The following ADGRF3 variants were observed in gnomAD, a reference collection of about 807,000 sequenced individuals.
The protein encoded by ADGRF3 is G protein-coupled receptor 113.
Under a neutral mutation model 93.2 loss-of-function variants are expected in ADGRF3, and 85 were observed. The observed-to-expected ratio is 0.91, with a 90% CI of 0.77 to 1.09. The LOEUF (loss-of-function observed/expected upper bound fraction) is 1.09, where lower values mean the gene tolerates loss of function less well. ADGRF3 is among the 50% of genes least tolerant of loss of function. ADGRF3 has a pLI of 0.00. For missense variants in ADGRF3, 1,125 were observed against 1,246.2 expected (o/e 0.90, Z 1.46); for synonymous variants, 534 against 532.5 (o/e 1.00, Z -0.04).
At chr2:26,314,099 C>A (rs112077139) in intron 6 of ADGRF3, among the ~76,000 whole-genome samples, 196 bp from the exon 7 acceptor site, 6,361 of 152,300 alleles carry the variant, frequency 0.042, 201 homozygotes, top group Middle Eastern at 0.065. Flanking sequence ...TGTGGGGTCT[C>A]TAACAAGCTC....
intron 13 of ADGRF3, 84 bp from the exon 14 acceptor site, chr2:26,309,191 A>G: frequency 6.2e-7 from 1 of 1,613,876 alleles, no homozygotes; most frequent in East Asian, 2.2e-5. Flanking sequence ...AAGCCCACCC[A>G]TGGCAATCCC....
intron 1 of ADGRF3, among the ~76,000 whole-genome samples, chr2:26,336,155 A>G (rs1384041819): frequency 6.6e-6 from 1 of 152,206 alleles, no homozygotes; most frequent in Non-Finnish European, 1.5e-5. Flanking sequence ...TAGGTTGCCA[A>G]CTGGGACAAA....
intron 5 of ADGRF3, among the ~76,000 whole-genome samples, chr2:26,315,023 A>G (rs918267681): frequency 1.3e-5 from 2 of 152,226 alleles, no homozygotes; most frequent in Non-Finnish European, 2.9e-5. Context: ...TTTATGAAAA[A>G]TAACTACATT....
Position 26,317,086 on chromosome 2 carries a change from A to T in ADGRF3, c.182-31T>A, listed in dbSNP as rs1373209135. 3 of 1,579,144 alleles carry T rather than the reference A, an allele frequency of 1.9e-6. No homozygotes were observed. The East Asian group carries it at 7.0e-5, about 37-fold the overall frequency. On this transcript the variant is annotated intron_variant, in intron 2 of 13. Coordinates refer to ENST00000651242, the MANE Select transcript of ADGRF3 (RefSeq NM_001321971.2). ...GGAGCAGAGGGGACAGCTGGAGAGG[A>T]CAGGCAGCGAGGCCACAAGCCGGTC...
intron 13 of ADGRF3, 62 bp downstream of exon 13, chr2:26,309,464 C>T: frequency 6.3e-7 from 1 of 1,580,798 alleles, no homozygotes; most frequent in South Asian, 1.2e-5. Flanking sequence ...CCAGGAGGCC[C>T]TTTGCCACAC....
intron 4 of ADGRF3, 173 bp from the exon 5 acceptor site, chr2:26,315,913 C>A: frequency 2.0e-6 from 2 of 1,011,732 alleles, no homozygotes; most frequent in Non-Finnish European, 2.9e-6. Flanking sequence ...CTGCTGCAAT[C>A]CAGCCTGGAA....
intron 6 of ADGRF3, 67 bp downstream of exon 6, chr2:26,314,347 C>A: frequency 6.8e-7 from 1 of 1,462,738 alleles, no homozygotes; most frequent in Non-Finnish European, 9.3e-7. Flanking sequence ...GCTGAAGACC[C>A]AGCTGCCTGG....
Position 26,309,104 on chromosome 2 carries a change from C to G in ADGRF3, c.2997G>C (p.Lys999Asn). Reference protein sequence around the residue: ...HSKGGSDTARKTDASE With the variant: ...HSKGGSDTARNTDASE ...GTGTGGTTCACTCTGAAGCATCTGT[C>G]TTCCTGTGAAAGAGCTTGCGGCTGG... The change falls in exon 14 of 14, where the codon AAG (lysine) becomes AAC (asparagine). Residue 999 changes from lysine to asparagine, a missense_variant. By Grantham distance (94) the Lys-to-Asn change is moderately conservative. Transcript: ENST00000651242. 7 of 1,614,058 alleles carry G rather than the reference C, an allele frequency of 4.3e-6. No homozygotes were observed. Among genetic ancestry groups the G allele is most frequent in the Non-Finnish European group, 5.9e-6 (7 of 1,179,904 alleles).
chr2:26,336,813 A>G (rs1430286699), intron 1 of ADGRF3, among the ~76,000 whole-genome samples: 1 of 151,630 alleles, frequency 6.6e-6, no homozygotes, highest in Non-Finnish European at 1.5e-5. Flanking sequence ...TAAGTGGAAG[A>G]CAACCCCAGT....
In ADGRF3 at chr2:26,309,521, C is replaced by G; in HGVS notation, c.2993+5G>C. 1 of 1,611,334 alleles carries G rather than the reference C, an allele frequency of 6.2e-7. No individual in the cohort carries two copies. The highest frequency in any genetic ancestry group is 8.5e-7 in the Non-Finnish European group (1 of 1,179,054). On this transcript the variant is annotated splice_donor_5th_base_variant and intron_variant, in intron 13 of 13. Transcript: ENST00000651242. ...ACGCTGCCCCTGAGAAAGCCTAGTT[C>G]TCACCTGGCAGTGTCGCTTCCTCCT...
At chr2:26,315,985 C>G (rs1242513674) in intron 4 of ADGRF3, among the ~76,000 whole-genome samples, 1 of 145,884 alleles carries the variant, frequency 6.9e-6, no homozygotes, top group Non-Finnish European at 1.5e-5. Context: ...CTCCCTCCCC[C>G]AGGTATCCTG....
At chr2:26,315,775 A>T (rs1256419866) in intron 4 of ADGRF3, 35 bp from the exon 5 acceptor site, 1 of 1,549,934 alleles carries the variant, frequency 6.5e-7, no homozygotes, top group Non-Finnish European at 8.7e-7. Flanking sequence ...ACCCTGGAGG[A>T]GGGACTTATG....
chr2:26,310,988 C>T lies in ADGRF3; in HGVS notation c.2536G>A (p.Glu846Lys). The change falls in exon 10 of 14, where the codon GAG becomes AAG. Residue 846 changes from glutamate (E) to lysine (K), a missense_variant. Glu to Lys is a moderately conservative substitution (Grantham distance 56). Transcript: ENST00000651242. ...TTCCCATCCAACCAGCATTCCCCCT[C>T]CCTCAGGTATTGCCCTTGAGGTAGG... ...LYLPQGQYLR[E>K]GECWLDGKGG... The T allele has an allele frequency of 1.9e-6, 3 of 1,613,632 alleles. No homozygotes were observed. The highest frequency in any genetic ancestry group is 2.5e-6 in the Non-Finnish European group (3 of 1,179,788).
Position 26,310,679 on chromosome 2 carries a change from C to T in ADGRF3, c.2832+13G>A, listed in dbSNP as rs1437882295. 3 of 1,604,010 alleles carry T rather than the reference C, an allele frequency of 1.9e-6. No individual in the cohort carries two copies. The highest frequency in any genetic ancestry group is 2.2e-5 in the East Asian group (1 of 44,536). ...AAAAAAGCAAAAAACACAGCCACCC[C>T]CCTATCACCTACCTGGAGGGTGTTG... On this transcript the variant is annotated intron_variant, in intron 10 of 13. Transcript: ENST00000651242.
intron 1 of ADGRF3, among the ~76,000 whole-genome samples, chr2:26,338,513 A>G (rs1676179051): frequency 6.6e-6 from 1 of 152,156 alleles, no homozygotes; most frequent in South Asian, 2.1e-4. Context: ...CCCAGGCTGG[A>G]GTGCAATGGC....
chr2:26,311,433 C>T lies in ADGRF3; in HGVS notation c.2091G>A (p.Pro697=), dbSNP rs139487408. Residue 697 remains proline, a synonymous_variant, in exon 10 of 14, where the codon CCG becomes CCA. Transcript: ENST00000651242. The stretch of plus-strand genomic sequence containing the variant: ...TCAGCAGCGCCAGAGCGGGTTCTTC[C>T]GGAACAGTGTGTGGGGACATGAGGA... ...FSVLMSPHTV[P]EEPALALLTQ... 1.7e-4 allele frequency: 269 copies of T among 1,614,034 alleles called. No individual in the cohort carries two copies. The African/African-American group carries it at 2.1e-3, about 12-fold the overall frequency.
intron 1 of ADGRF3, 105 bp from the exon 2 acceptor site, chr2:26,317,667 T>C (rs1674821145): frequency 5.7e-6 from 6 of 1,051,890 alleles, no homozygotes; most frequent in South Asian, 1.4e-5. Context: ...CCAGCTCTTC[T>C]TTTTGCCAGG....
At chr2:26,334,035 A>G (rs1173687515) in intron 1 of ADGRF3, among the ~76,000 whole-genome samples, 1 of 151,466 alleles carries the variant, frequency 6.6e-6, no homozygotes, top group Non-Finnish European at 1.5e-5. Flanking sequence ...CATATTGGCC[A>G]GGCTGGTCTC....
intron 1 of ADGRF3, among the ~76,000 whole-genome samples, chr2:26,322,282 C>CAAAAA (rs60338868): frequency 0.028 from 2,142 of 76,652 alleles, 57 homozygotes; most frequent in African/African-American, 0.1. Context: ...GAATCTGTCT[C>CAAAAA]AAAAAAAAAA....
Sources: gnomAD v4.1 joint callset for allele counts (sites outside exome capture counted in the v4.1 genomes callset) on GRCh38, gnomAD v4.1.1 for gene constraint, MANE v1.5 for transcripts, NCBI Gene and HGNC (gene_info 2026-07-23, HGNC 2026-07-21) for gene names.